Variants in TOX observed in about 807,000 individuals in gnomAD.
TOX encodes the protein thymocyte selection-associated high mobility group box protein TOX.
Under a neutral mutation model 53.7 loss-of-function variants are expected in TOX, and 11 were observed. That is an observed-to-expected ratio of 0.20 (90% confidence interval 0.13 to 0.34). The LOEUF is 0.34. Among genes scored for constraint, TOX ranks in the 10% least tolerant of loss-of-function variants. The pLI is 1.00. For missense variants in TOX, 570 were observed against 664.6 expected (o/e 0.86, Z 1.56); for synonymous variants, 225 against 245.3 (o/e 0.92, Z 0.77).
intron 1 of TOX, among the ~76,000 whole-genome samples, chr8:59,106,968 C>T (rs1018178819): frequency 6.9e-6 from 1 of 145,194 alleles, no homozygotes; most frequent in Non-Finnish European, 1.5e-5. Flanking sequence ...AAAATCCTAA[C>T]CTTTTCAACT....
At chr8:59,059,303 G>A (rs1391720304) in intron 1 of TOX, among the ~76,000 whole-genome samples, 5 of 152,058 alleles carry the variant, frequency 3.3e-5, no homozygotes, top group African/African-American at 1.2e-4. Context: ...GGAGAAGGTG[G>A]GGCTACCTTG....
chr8:58,994,180 G>A (rs947224121), intron 1 of TOX, among the ~76,000 whole-genome samples: 1 of 152,178 alleles, frequency 6.6e-6, no homozygotes, highest in Non-Finnish European at 1.5e-5. Context: ...ATTGACTTTA[G>A]TCTAGAAAAG....
At chr8:59,054,853 A>C (rs901075749) in intron 1 of TOX, among the ~76,000 whole-genome samples, 6 of 150,192 alleles carry the variant, frequency 4.0e-5, no homozygotes, top group African/African-American at 1.5e-4. Context: ...GAAAGAAAAA[A>C]AGAGAGAGAA....
At chr8:59,073,846 A>T (rs1194002473) in intron 1 of TOX, among the ~76,000 whole-genome samples, 1 of 152,114 alleles carries the variant, frequency 6.6e-6, no homozygotes, top group Non-Finnish European at 1.5e-5. Flanking sequence ...CTAAATTGTG[A>T]CTTTCTGTGA....
rs2129425504 is a variant in TOX at position 59,119,146 on chromosome 8, AG to A, written c.-160del. On this transcript the variant is annotated 5_prime_UTR_variant, in exon 1 of 9. Coordinates refer to ENST00000361421, the MANE Select transcript of TOX (RefSeq NM_014729.3). ...CGTTTGTGGTTTGTTTAAGAAGAAG[AG>A]GAAAAAAAAAAAAAAGAGGGGGGAA... 4.8e-6 allele frequency: 2 copies of A among 420,198 alleles called. No homozygotes were observed. Among genetic ancestry groups the A allele is most frequent in the Non-Finnish European group, 8.2e-6 (2 of 242,548 alleles). The allele number at this position is 420,198 out of a possible 1,614,324, so 26.0% of individuals were successfully genotyped here. A position where few individuals can be genotyped will look rare whatever the true frequency, so the allele number is the denominator to read the frequency against.
intron 3 of TOX, among the ~76,000 whole-genome samples, chr8:58,861,569 T>A: frequency 6.6e-6 from 1 of 152,190 alleles, no homozygotes; most frequent in East Asian, 1.9e-4. Context: ...AATAATGTGC[T>A]TTATTTCTAG....
At chr8:59,092,037 G>A (rs1049509367) in intron 1 of TOX, among the ~76,000 whole-genome samples, 3 of 151,538 alleles carry the variant, frequency 2.0e-5, no homozygotes, top group Admixed American at 1.3e-4. Context: ...ATTGCCTGAG[G>A]TCAGGAGTTC....
intron 3 of TOX, among the ~76,000 whole-genome samples, chr8:58,929,479 A>G (rs1212063073): frequency 6.6e-6 from 1 of 152,094 alleles, no homozygotes; most frequent in Non-Finnish European, 1.5e-5. Context: ...AAACTTTCAA[A>G]CTAGAAAAAA....
intron 3 of TOX, among the ~76,000 whole-genome samples, chr8:58,885,736 G>C (rs1173693686): frequency 6.6e-6 from 1 of 152,130 alleles, no homozygotes; most frequent in South Asian, 2.1e-4. Flanking sequence ...GATTAGTCTG[G>C]TGTGTTTGCT....
At chr8:58,865,602 C>A (rs2129169492) in intron 3 of TOX, among the ~76,000 whole-genome samples, 1 of 151,988 alleles carries the variant, frequency 6.6e-6, no homozygotes, top group South Asian at 2.1e-4. Flanking sequence ...CAGACTAAAG[C>A]AATTGTATGC....
intron 4 of TOX, 93 bp from the exon 5 acceptor site, chr8:58,838,404 C>G (rs1810584376): frequency 1.1e-6 from 1 of 936,574 alleles, no homozygotes; most frequent in South Asian, 1.5e-5. Context: ...AGACACATAC[C>G]CATTCACATC....
Position 58,974,761 on chromosome 8 carries a change from G to A in TOX, c.103-14753C>T, listed in dbSNP as rs535252412. ...CCTAAAAGCTCTAAGAAAAATTACC[G>A]ATTTGTTAGTTAGGATTCTATTTAT... On this transcript the variant is annotated intron_variant, in intron 1 of 8. Coordinates refer to ENST00000361421, the MANE Select transcript of TOX (RefSeq NM_014729.3). 4.6e-5 allele frequency among the ~76,000 whole-genome samples: 7 copies of A among 152,082 alleles called. No individual in the cohort carries two copies. In the South Asian group the frequency reaches 6.2e-4, roughly 14 times the overall value.
At chr8:59,028,283 C>T (rs1347819938) in intron 1 of TOX, among the ~76,000 whole-genome samples, 1 of 151,758 alleles carries the variant, frequency 6.6e-6, no homozygotes, top group African/African-American at 2.4e-5. Context: ...ATGCTAGGCA[C>T]ATATTTCCAA....
chr8:58,813,974 C>T (rs1810129284), intron 7 of TOX, among the ~76,000 whole-genome samples: 1 of 152,122 alleles, frequency 6.6e-6, no homozygotes, highest in Non-Finnish European at 1.5e-5. Flanking sequence ...GGTTTGAATT[C>T]CAGCTCTGAC....
intron 1 of TOX, among the ~76,000 whole-genome samples, chr8:59,097,525 G>T (rs988078702): frequency 1.8e-4 from 27 of 152,294 alleles, no homozygotes; most frequent in African/African-American, 6.5e-4. Flanking sequence ...GTACAGAAAA[G>T]AAATAAAACT....
At chr8:59,084,093 A>G (rs1051953723) in intron 1 of TOX, among the ~76,000 whole-genome samples, 4 of 152,158 alleles carry the variant, frequency 2.6e-5, no homozygotes, top group African/African-American at 7.2e-5. Flanking sequence ...AGGTTTAAGT[A>G]CCTTTCTGTA....
intron 4 of TOX, among the ~76,000 whole-genome samples, chr8:58,840,857 C>T (rs980423761): frequency 4.6e-5 from 7 of 151,892 alleles, no homozygotes; most frequent in Admixed American, 1.3e-4. Context: ...GCTTGAGTCT[C>T]CCCCTTACCT....
chr8:58,851,475 G>T lies in TOX; in HGVS notation c.693+49C>A. 1 of 1,594,060 alleles carries T rather than the reference G, an allele frequency of 6.3e-7. No homozygotes were observed. The highest frequency in any genetic ancestry group is 1.1e-5 in the South Asian group (1 of 89,000). ...CTTGTACCCAGCACAGGTCAAAGAA[G>T]GTGCCTAAGAATAGTCTCCCATAGG... On this transcript the variant is annotated intron_variant, in intron 4 of 8. Transcript: ENST00000361421. This position sits in a 1 kb window ranked among gnomAD's most constrained non-coding sequence, Gnocchi z 4.4.
rs115752659 is a variant in TOX, at chr8:58,893,658, C to G, written c.412-41853G>C. 2.5e-3 allele frequency among the ~76,000 whole-genome samples: 382 copies of G among 152,310 alleles called. 1 individual carries two copies. The highest frequency in any genetic ancestry group is 8.8e-3 in the African/African-American group (366 of 41,566). On this transcript the variant is annotated intron_variant, in intron 3 of 8. Coordinates refer to ENST00000361421, the MANE Select transcript of TOX (RefSeq NM_014729.3). The stretch of plus-strand genomic sequence containing the variant: ...CATGTGGAGTTCCTAATGGCTTTAG[C>G]TGCCTTTGGTGGGTTTTCTTTCCCT...
Sources: allele counts gnomAD v4.1 joint callset (sites outside exome capture counted in the v4.1 genomes callset), GRCh38; gene constraint gnomAD v4.1.1; non-coding constraint Gnocchi (gnomAD v3.1); transcripts MANE v1.5; gene names NCBI Gene and HGNC (gene_info 2026-07-23, HGNC 2026-07-21).